AFAP1L1: variants seen among roughly 807,000 people sequenced by gnomAD.
AFAP1L1 encodes the protein actin filament-associated protein 1-like 1.
Under a neutral mutation model 99.8 loss-of-function variants are expected in AFAP1L1, and 77 were observed. The ratio of observed to expected loss-of-function variants is 0.77; its 90% CI spans 0.64 to 0.93. The LOEUF (loss-of-function observed/expected upper bound fraction) is 0.93. AFAP1L1 is among the 40% of genes least tolerant of loss of function. The pLI is 0.00. For missense variants in AFAP1L1, 893 were observed against 996.8 expected (o/e 0.90, Z 1.40); for synonymous variants, 373 against 395.3 (o/e 0.94, Z 0.67).
At chr5:149,298,584 TC>T (rs1185514149) in intron 1 of AFAP1L1, among the ~76,000 whole-genome samples, 1 of 152,212 alleles carries the variant, frequency 6.6e-6, no homozygotes, top group African/African-American at 2.4e-5. Context: ...TAATGATTGT[TC>T]AGTACAGGTT....
chr5:149,273,343 A>G (rs1244783916), intron 1 of AFAP1L1, among the ~76,000 whole-genome samples: 1 of 151,936 alleles, frequency 6.6e-6, no homozygotes, highest in Non-Finnish European at 1.5e-5. Context: ...AGAAGGGAAC[A>G]GGGGCATGGG....
intron 11 of AFAP1L1, 94 bp downstream of exon 11, chr5:149,316,397 A>G (rs970512661): frequency 1.8e-5 from 27 of 1,471,340 alleles, no homozygotes; most frequent in Non-Finnish European, 2.3e-5. Context: ...CGTCCACCTC[A>G]CCCCCAGGGC....
At chr5:149,289,735 A>C (rs1755793271) in intron 1 of AFAP1L1, among the ~76,000 whole-genome samples, 1 of 152,224 alleles carries the variant, frequency 6.6e-6, no homozygotes, top group Non-Finnish European at 1.5e-5. Context: ...GAGATTTCTC[A>C]ACCCAGGAAG....
chr5:149,310,264 C>T (rs1433106454), intron 8 of AFAP1L1, 129 bp downstream of exon 8: 10 of 1,187,752 alleles, frequency 8.4e-6, no homozygotes, highest in African/African-American at 1.6e-5. Flanking sequence ...GTGCCCTCTG[C>T]GTGGCTAGGG....
chr5:149,310,249 C>T, intron 8 of AFAP1L1, 114 bp downstream of exon 8: 1 of 1,320,440 alleles, frequency 7.6e-7, no homozygotes, highest in Non-Finnish European at 1.0e-6. Flanking sequence ...AGTGCCTGAG[C>T]CCAAGTGCCC....
In AFAP1L1 at chr5:149,306,333, T is replaced by C; in HGVS notation, c.464T>C (p.Val155Ala). The C allele has an allele frequency of 6.2e-7, 1 of 1,613,568 alleles. No individual in the cohort carries two copies. The highest frequency in any genetic ancestry group is 1.3e-5 in the African/African-American group (1 of 75,054). Reference sequence around the variant, plus strand: ...GGCTGCAGCCCCTCACACTCGATTGTGGATGGCTACTATGAGGACGCAGAC... The same window carrying C: ...GGCTGCAGCCCCTCACACTCGATTGCGGATGGCTACTATGAGGACGCAGAC... The part of the protein sequence containing the change: ...HNGCSPSHSI[V>A]DGYYEDADSS... The change falls in exon 6 of 19, where the codon GTG becomes GCG. Residue 155 changes from valine (V) to alanine (A), a missense_variant. Val to Ala is a moderately conservative substitution (Grantham distance 64). Coordinates refer to ENST00000296721, the MANE Select transcript of AFAP1L1 (RefSeq NM_152406.4).
chr5:149,276,459 T>C (rs1299722584), intron 1 of AFAP1L1, among the ~76,000 whole-genome samples: 1 of 152,222 alleles, frequency 6.6e-6, no homozygotes, highest in African/African-American at 2.4e-5. Flanking sequence ...AAAGCCAATG[T>C]CTATGGACAC....
At chr5:149,334,660 C>A (rs1345141507) in intron 17 of AFAP1L1, among the ~76,000 whole-genome samples, 1 of 152,110 alleles carries the variant, frequency 6.6e-6, no homozygotes, top group East Asian at 1.9e-4. Flanking sequence ...GCCTATAATC[C>A]CAGCACTTTG....
At position 149,340,100 on chromosome 5, in the gene AFAP1L1, C is replaced by A; in HGVS notation, c.*70C>A. 14 of 1,579,124 alleles carry A rather than the reference C, an allele frequency of 8.9e-6. No individual in the cohort carries two copies. Among genetic ancestry groups the A allele is most frequent in the Non-Finnish European group, 1.2e-5 (14 of 1,150,750 alleles). Reference sequence around the variant, plus strand: ...ACCTGAGGAAGAAATGCTTTTTTCACAAGGAGACACCAAGAGAAGACTAGG... The same window carrying A: ...ACCTGAGGAAGAAATGCTTTTTTCAAAAGGAGACACCAAGAGAAGACTAGG... On this transcript the variant is annotated 3_prime_UTR_variant, in exon 19 of 19. Transcript: ENST00000296721.
intron 8 of AFAP1L1, among the ~76,000 whole-genome samples, chr5:149,311,282 G>T (rs1307201414): frequency 6.6e-6 from 1 of 152,160 alleles, no homozygotes; most frequent in Admixed American, 6.5e-5. Flanking sequence ...CCTGCCTGTT[G>T]GGGGAGCCTG....
chr5:149,285,481 G>A (rs753222287), intron 1 of AFAP1L1, among the ~76,000 whole-genome samples: 7 of 152,130 alleles, frequency 4.6e-5, no homozygotes, highest in Non-Finnish European at 8.8e-5. Context: ...TGAGAAAACA[G>A]GCTTGGTGAA....
intron 16 of AFAP1L1, among the ~76,000 whole-genome samples, chr5:149,330,393 G>A (rs555823766): frequency 6.6e-6 from 1 of 152,312 alleles, no homozygotes; most frequent in African/African-American, 2.4e-5. Flanking sequence ...TTCACATGCT[G>A]GAGGGAGCAG....
At chr5:149,307,818 T>TTCTCTCCCTC (rs1756473971) in intron 7 of AFAP1L1, among the ~76,000 whole-genome samples, 1 of 100,504 alleles carries the variant, frequency 9.9e-6, no homozygotes, top group South Asian at 4.1e-4. Flanking sequence ...GTGCCTCTCT[T>TTCTCTCCCTC]TCTCTCTCTC....
intron 12 of AFAP1L1, 125 bp downstream of exon 12, chr5:149,318,065 C>G (rs919272967): frequency 2.6e-6 from 3 of 1,134,708 alleles, no homozygotes; most frequent in Non-Finnish European, 3.7e-6. Flanking sequence ...GAAAGCAAGC[C>G]TCACTCCTGT....
At position 149,304,734 on chromosome 5, in the gene AFAP1L1, C is replaced by T. The variant is rs558975604; in HGVS notation, c.437-1572C>T. Among the ~76,000 whole-genome samples the T allele has an allele frequency of 3.6e-4, 55 of 152,332 alleles. No homozygotes were observed. The South Asian group carries it at 0.011, about 29-fold the overall frequency. ...TTCCCTACTTCACACCTGACCCCCCCGTTCACCTCCCAGGAGATGTCCAGC... is the reference window on the plus strand; with the variant it reads ...TTCCCTACTTCACACCTGACCCCCCTGTTCACCTCCCAGGAGATGTCCAGC... On this transcript the variant is annotated intron_variant, in intron 5 of 18. Transcript: ENST00000296721.
Position 149,317,892 on chromosome 5 carries a change from A to T in AFAP1L1, c.1431A>T (p.Pro477=), listed in dbSNP as rs754658444. The T allele has an allele frequency of 1.7e-5, 27 of 1,595,648 alleles. No individual in the cohort carries two copies. The highest frequency in any genetic ancestry group is 2.3e-5 in the Non-Finnish European group (27 of 1,171,226). The part of the protein sequence containing the change: ...EVAPGFGPRH[P]FAFRILRNRQ... ...CCCCGGGCTTTGGGCCCCGACACCCATTTGCCTTCAGGATCCTGCGCAACC... is the reference window on the plus strand; with the variant it reads ...CCCCGGGCTTTGGGCCCCGACACCCTTTTGCCTTCAGGATCCTGCGCAACC... Residue 477 remains proline, a synonymous_variant, in exon 12 of 19, where the codon CCA becomes CCT. Coordinates refer to ENST00000296721, the MANE Select transcript of AFAP1L1 (RefSeq NM_152406.4).
At chr5:149,313,009 C>G (rs1756683671) in intron 9 of AFAP1L1, among the ~76,000 whole-genome samples, 1 of 151,916 alleles carries the variant, frequency 6.6e-6, no homozygotes, top group Non-Finnish European at 1.5e-5. Context: ...TGCCTGTAAT[C>G]CCAGCTACTC....
chr5:149,336,273 C>G (rs768239405), intron 18 of AFAP1L1, among the ~76,000 whole-genome samples: 1 of 152,116 alleles, frequency 6.6e-6, no homozygotes, highest in Non-Finnish European at 1.5e-5. Flanking sequence ...AATAATTCTA[C>G]GGCAAGACAT....
At position 149,299,532 on chromosome 5, in the gene AFAP1L1, C is replaced by T; in HGVS notation, c.40C>T (p.Leu14Phe). 3 of 1,614,156 alleles carry T rather than the reference C, an allele frequency of 1.9e-6. No individual in the cohort carries two copies. Among genetic ancestry groups the T allele is most frequent in the South Asian group, 1.1e-5 (1 of 91,084 alleles). ...GQVLEQLLPE[L>F]TGLLSLLDHE... is the part of the protein sequence containing the mutation. ...AGTGCTGGAGCAGCTGCTCCCAGAG[C>T]TCACCGGGCTGCTCAGCCTCCTGGA... The change falls in exon 2 of 19, where the codon CTC (leucine) becomes TTC (phenylalanine). Residue 14 changes from leucine to phenylalanine, a missense_variant. Physicochemically the swap from Leu to Phe is conservative, Grantham distance 22 (BLOSUM62 0). Transcript: ENST00000296721.
Sources: gnomAD v4.1 joint callset for allele counts (sites outside exome capture counted in the v4.1 genomes callset) on GRCh38, gnomAD v4.1.1 for gene constraint, MANE v1.5 for transcripts, NCBI Gene and HGNC (gene_info 2026-07-23, HGNC 2026-07-21) for gene names.